Variants in KIRREL3 observed in about 807,000 individuals in gnomAD.
The protein encoded by KIRREL3 is kirre like nephrin family adhesion molecule 3, also known as kin of IRRE-like protein 3.
In KIRREL3, 36 loss-of-function variants were observed where a neutral mutation model predicts 89.7. The ratio of observed to expected loss-of-function variants is 0.40; its 90% CI spans 0.31 to 0.53. KIRREL3 has a LOEUF of 0.53. Among genes scored for constraint, KIRREL3 ranks in the 20% least tolerant of loss-of-function variants. The probability of loss-of-function intolerance (pLI) is 0.49; values close to 1 mark genes in which losing one functional copy is unlikely to be tolerated. For missense variants in KIRREL3, 864 were observed against 1,056.6 expected, an observed-to-expected ratio of 0.82 and a Z score of 2.53; for synonymous variants, 445 against 441.4, an observed-to-expected ratio of 1.01 and a Z score of -0.10.
chr11:126,731,413 G>A (rs1040563756), intron 1 of KIRREL3, among the ~76,000 whole-genome samples: 2 of 152,202 alleles, frequency 1.3e-5, no homozygotes, highest in Non-Finnish European at 2.9e-5. Flanking sequence ...GACTCAGCCC[G>A]AATACCATTT....
chr11:126,757,307 A>T (rs990770709), intron 1 of KIRREL3, among the ~76,000 whole-genome samples: 9 of 152,118 alleles, frequency 5.9e-5, no homozygotes, highest in African/African-American at 2.2e-4. Flanking sequence ...AAAATAAAAA[A>T]AAAAAGAAAA....
At position 126,635,463 on chromosome 11, in the gene KIRREL3, C is replaced by A. The variant is rs531054324; in HGVS notation, c.56-72551G>T. Among the ~76,000 whole-genome samples the A allele has an allele frequency of 6.6e-6, 1 of 152,294 alleles. No individual in the cohort carries two copies. ...TTGGCTGGCTCCAAGGCCCTCAGCA[C>A]CTCTGGGCTTCTGAGCCATGGGAGA... On this transcript the variant is annotated intron_variant, in intron 1 of 16. Transcript: ENST00000525144. This position sits in a 1 kb window ranked among gnomAD's most constrained non-coding sequence, Gnocchi z 4.0.
Position 126,764,677 on chromosome 11 carries a change from ACTCT to A in KIRREL3, c.56-201769_56-201766del, listed in dbSNP as rs1249245708. Among the ~76,000 whole-genome samples the A allele has an allele frequency of 6.6e-6, 1 of 152,052 alleles. No homozygotes were observed. The highest frequency in any genetic ancestry group is 6.5e-5 in the Admixed American group (1 of 15,272). On this transcript the variant is annotated intron_variant, in intron 1 of 16. Coordinates refer to ENST00000525144, the MANE Select transcript of KIRREL3 (RefSeq NM_032531.4). This position sits in a 1 kb window ranked among gnomAD's most constrained non-coding sequence, Gnocchi z 4.2. ...CACATGCACACGTGGGCACGTGCAA[ACTCT>A]CTCAGTGTAGGCTCTGAATGCTGCT...
chr11:126,855,857 G>A (rs1317898410), intron 1 of KIRREL3, among the ~76,000 whole-genome samples: 1 of 152,186 alleles, frequency 6.6e-6, no homozygotes, highest in African/African-American at 2.4e-5. Flanking sequence ...CCTTCATCAG[G>A]GTTTCTCTGG....
At chr11:126,829,772 G>A (rs1028567247) in intron 1 of KIRREL3, among the ~76,000 whole-genome samples, 1 of 152,164 alleles carries the variant, frequency 6.6e-6, no homozygotes, top group African/African-American at 2.4e-5. Context: ...AGGAAACAAG[G>A]AAATACACAT....
In KIRREL3 at chr11:126,796,757, C is replaced by G. The variant is rs537430969; in HGVS notation, c.55+203698G>C. ...GTGGCATGATCTTGGCTCACTGCAG[C>G]CTCAACTTCCCAGGCTGAAGCTATC... On this transcript the variant is annotated intron_variant, in intron 1 of 16. Coordinates refer to ENST00000525144, the MANE Select transcript of KIRREL3 (RefSeq NM_032531.4). This position sits in a 1 kb window ranked among gnomAD's most constrained non-coding sequence, Gnocchi z 5.1. Among the ~76,000 whole-genome samples the G allele has an allele frequency of 1.3e-5, 2 of 152,240 alleles. No individual in the cohort carries two copies. Among genetic ancestry groups the G allele is most frequent in the Non-Finnish European group, 2.9e-5 (2 of 68,018 alleles).
In KIRREL3 at chr11:126,462,391, G is replaced by A. The variant is rs1030976470; in HGVS notation, c.742+766C>T. On this transcript the variant is annotated intron_variant, in intron 6 of 16. Transcript: ENST00000525144. This position sits in a 1 kb window ranked among gnomAD's most constrained non-coding sequence, Gnocchi z 4.8. Reference sequence around the variant, plus strand: ...TTGTAAAGATTAAATAAGGCCAGGCGAAGTGGCTCACATCTGTAATCCCAG... The same window carrying A: ...TTGTAAAGATTAAATAAGGCCAGGCAAAGTGGCTCACATCTGTAATCCCAG... Among the ~76,000 whole-genome samples the A allele has an allele frequency of 2.6e-5, 4 of 152,202 alleles. No homozygotes were observed. Among genetic ancestry groups the A allele is most frequent in the Non-Finnish European group, 4.4e-5 (3 of 68,036 alleles).
Position 126,443,300 on chromosome 11 carries a change from T to C in KIRREL3, c.1252+1679A>G, listed in dbSNP as rs1193828361. Reference sequence around the variant, plus strand: ...CGAGTGCCCTGGCTGGCGCGGGCTGTGTGGAGGGCCGCTGATTTCACTGGG... The same window carrying C: ...CGAGTGCCCTGGCTGGCGCGGGCTGCGTGGAGGGCCGCTGATTTCACTGGG... On this transcript the variant is annotated intron_variant, in intron 10 of 16. Coordinates refer to ENST00000525144, the MANE Select transcript of KIRREL3 (RefSeq NM_032531.4). This position sits in a 1 kb window ranked among gnomAD's most constrained non-coding sequence, Gnocchi z 7.3. Among the ~76,000 whole-genome samples, 2 of 152,056 alleles carry C rather than the reference T, an allele frequency of 1.3e-5. No homozygotes were observed. Among genetic ancestry groups the C allele is most frequent in the Admixed American group, 1.3e-4 (2 of 15,254 alleles).
At chr11:126,436,230 C>G (rs563126097) in intron 12 of KIRREL3, among the ~76,000 whole-genome samples, 10 of 152,192 alleles carry the variant, frequency 6.6e-5, no homozygotes, top group Admixed American at 1.3e-4. Context: ...CATGTGCCTC[C>G]TGGGTCTGCA....
At position 126,807,025 on chromosome 11, in the gene KIRREL3, T is replaced by C. The variant is rs547627019; in HGVS notation, c.55+193430A>G. On this transcript the variant is annotated intron_variant, in intron 1 of 16. Transcript: ENST00000525144. The surrounding 1 kb of genome is among the most constrained non-coding windows in gnomAD (Gnocchi z 4.3). ...AAGGACATGAATTCACTCTTTTTTA[T>C]GACTGCATAGAATTCCATGGCACAT... Among the ~76,000 whole-genome samples, 40 of 152,340 alleles carry C rather than the reference T, an allele frequency of 2.6e-4. No individual in the cohort carries two copies. The highest frequency in any genetic ancestry group is 9.1e-4 in the African/African-American group (38 of 41,580).
At chr11:126,765,977 C>G (rs1949811862) in intron 1 of KIRREL3, among the ~76,000 whole-genome samples, 1 of 152,184 alleles carries the variant, frequency 6.6e-6, no homozygotes. Flanking sequence ...CAGAATCCAT[C>G]ATCAGCTACC....
chr11:126,521,414 G>A lies in KIRREL3; in HGVS notation c.334C>T (p.Leu112=). 1.9e-6 allele frequency: 3 copies of A among 1,575,660 alleles called. No homozygotes were observed. The South Asian group carries it at 3.5e-5, about 18-fold the overall frequency. Residue 112 remains leucine (L), a synonymous_variant, in exon 4 of 17, where the codon CTG becomes TTG. Coordinates refer to ENST00000525144, the MANE Select transcript of KIRREL3 (RefSeq NM_032531.4). The surrounding 1 kb of genome is among the most constrained non-coding windows in gnomAD (Gnocchi z 4.1). ...TGCAGCTCTGCCCTCAGGATCTTCAGGTGGTGCTCCCCTGACAGGTGGTTC... is the reference window on the plus strand; with the variant it reads ...TGCAGCTCTGCCCTCAGGATCTTCAAGTGGTGCTCCCCTGACAGGTGGTTC... ...VGNHLSGEHH[L]KILRAELQDD...
At chr11:126,580,565 C>A (rs1410741520) in intron 1 of KIRREL3, among the ~76,000 whole-genome samples, 1 of 152,130 alleles carries the variant, frequency 6.6e-6, no homozygotes, top group Admixed American at 6.5e-5. Context: ...GAGGGTGGAG[C>A]CTGGAATTTC....
chr11:126,506,928 A>T (rs1336473318), intron 4 of KIRREL3, among the ~76,000 whole-genome samples: 6 of 152,206 alleles, frequency 3.9e-5, no homozygotes, highest in African/African-American at 9.6e-5. Context: ...CCTGGCCAGC[A>T]GCATTCTTTA....
intron 1 of KIRREL3, among the ~76,000 whole-genome samples, chr11:126,894,565 A>G (rs1946067833): frequency 6.7e-6 from 1 of 148,896 alleles, no homozygotes; most frequent in African/African-American, 2.5e-5. Context: ...AAAAAAAAAA[A>G]AAAAAGGAAA....
rs756012724 is a variant in KIRREL3 at position 126,719,969 on chromosome 11, C to G, written c.56-157057G>C. 6.6e-6 allele frequency among the ~76,000 whole-genome samples: 1 copy of G among 152,168 alleles called. No individual in the cohort carries two copies. Among genetic ancestry groups the G allele is most frequent in the East Asian group, 1.9e-4 (1 of 5,194 alleles). On this transcript the variant is annotated intron_variant, in intron 1 of 16. Transcript: ENST00000525144. The surrounding 1 kb of genome is among the most constrained non-coding windows in gnomAD (Gnocchi z 4.7). ...ATGGCTTAGGGTCAGGGTGTGGTCC[C>G]TCTGCCTCTGATTTCAGCTCCTACT...
At chr11:126,889,689 T>C (rs1432747203) in intron 1 of KIRREL3, among the ~76,000 whole-genome samples, 1 of 152,198 alleles carries the variant, frequency 6.6e-6, no homozygotes, top group Non-Finnish European at 1.5e-5. Flanking sequence ...AACCTGCACA[T>C]TGAGACGACA....
At position 126,870,052 on chromosome 11, in the gene KIRREL3, T is replaced by G. The variant is rs552865877; in HGVS notation, c.55+130403A>C. Among the ~76,000 whole-genome samples, 3 of 152,312 alleles carry G rather than the reference T, an allele frequency of 2.0e-5. No homozygotes were observed. The highest frequency in any genetic ancestry group is 2.0e-4 in the Admixed American group (3 of 15,310). ...ATGCCCCTAAACAGTCCTCTAATCTTGAGTAAAGTTCATTGGGCCCATGTA... is the reference window on the plus strand; with the variant it reads ...ATGCCCCTAAACAGTCCTCTAATCTGGAGTAAAGTTCATTGGGCCCATGTA... On this transcript the variant is annotated intron_variant, in intron 1 of 16. Coordinates refer to ENST00000525144, the MANE Select transcript of KIRREL3 (RefSeq NM_032531.4). This position sits in a 1 kb window ranked among gnomAD's most constrained non-coding sequence, Gnocchi z 4.4.
In KIRREL3 at chr11:126,755,074, C is replaced by T. The variant is rs1949447096; in HGVS notation, c.56-192162G>A. 6.6e-6 allele frequency among the ~76,000 whole-genome samples: 1 copy of T among 152,170 alleles called. No individual in the cohort carries two copies. The highest frequency in any genetic ancestry group is 1.5e-5 in the Non-Finnish European group (1 of 68,032). On this transcript the variant is annotated intron_variant, in intron 1 of 16. Coordinates refer to ENST00000525144, the MANE Select transcript of KIRREL3 (RefSeq NM_032531.4). The surrounding 1 kb of genome is among the most constrained non-coding windows in gnomAD (Gnocchi z 4.3). ...GAGTATCTTAATCAAATAAAAAAAG[C>T]ATTAGGCTTTAATCTCCAGCACTTT...
Sources: gnomAD v4.1 joint callset for allele counts (sites outside exome capture counted in the v4.1 genomes callset) on GRCh38, gnomAD v4.1.1 for gene constraint, Gnocchi (gnomAD v3.1) non-coding constraint, MANE v1.5 for transcripts, NCBI Gene and HGNC (gene_info 2026-07-23, HGNC 2026-07-21) for gene names.